CACNA2D3: variants seen among roughly 807,000 people sequenced by gnomAD.
CACNA2D3 encodes voltage-dependent calcium channel subunit alpha-2/delta-3.
Under a neutral mutation model 160.6 loss-of-function variants are expected in CACNA2D3, and 60 were observed. The ratio of observed to expected loss-of-function variants is 0.37; its 90% CI spans 0.30 to 0.46. The LOEUF (loss-of-function observed/expected upper bound fraction) is 0.46, where lower values mean the gene tolerates loss of function less well. Ranked by LOEUF, CACNA2D3 falls within the 20% of genes least tolerant of loss-of-function variation. CACNA2D3 has a pLI of 1.00. For missense variants in CACNA2D3, 1,205 were observed against 1,365.0 expected (o/e 0.88, Z 1.85); for synonymous variants, 558 against 492.9 (o/e 1.13, Z -1.75).
At chr3:54,906,534 C>G (rs1700452372) in intron 27 of CACNA2D3, among the ~76,000 whole-genome samples, 1 of 152,180 alleles carries the variant, frequency 6.6e-6, no homozygotes, top group Non-Finnish European at 1.5e-5. Flanking sequence ...ACTAATGCCT[C>G]CAGTAACCTG....
chr3:54,145,620 G>A (rs924264309), intron 2 of CACNA2D3, among the ~76,000 whole-genome samples: 1 of 152,172 alleles, frequency 6.6e-6, no homozygotes, highest in African/African-American at 2.4e-5. Flanking sequence ...TGCGATCTAC[G>A]TTTCTCTGGG....
At position 54,713,028 on chromosome 3, in the gene CACNA2D3, C is replaced by T. The variant is rs1700981939; in HGVS notation, c.1168-39571C>T. On this transcript the variant is annotated intron_variant, in intron 11 of 37. Coordinates refer to ENST00000474759, the MANE Select transcript of CACNA2D3 (RefSeq NM_018398.3). ...ATAGTATTCTGCCCACCATACTACT[C>T]ATAGGAATGTTGTGATGATTAGGTG... Among the ~76,000 whole-genome samples the T allele has an allele frequency of 1.3e-5, 2 of 152,208 alleles. 1 individual carries two copies. Among genetic ancestry groups the T allele is most frequent in the South Asian group, 4.1e-4 (2 of 4,826 alleles).
chr3:54,228,375 G>C (rs536632864), intron 2 of CACNA2D3, among the ~76,000 whole-genome samples: 1 of 152,210 alleles, frequency 6.6e-6, no homozygotes, highest in East Asian at 1.9e-4. Flanking sequence ...TAATGAGAAG[G>C]ATGAGAATGA....
chr3:54,695,172 C>T (rs1341730203), intron 11 of CACNA2D3, among the ~76,000 whole-genome samples: 1 of 152,110 alleles, frequency 6.6e-6, no homozygotes, highest in Non-Finnish European at 1.5e-5. Flanking sequence ...TGCCCACCAC[C>T]ATGCGCAGCT....
chr3:54,976,304 C>T (rs1212476842), intron 29 of CACNA2D3, among the ~76,000 whole-genome samples: 1 of 123,726 alleles, frequency 8.1e-6, no homozygotes, highest in Non-Finnish European at 1.6e-5. Flanking sequence ...CAACAGTCCC[C>T]AGAGTGTGAT....
intron 2 of CACNA2D3, among the ~76,000 whole-genome samples, chr3:54,208,143 T>G: frequency 6.6e-6 from 1 of 152,224 alleles, no homozygotes; most frequent in Non-Finnish European, 1.5e-5. Context: ...TTTGCTCTTG[T>G]TGCCCAGGCT....
At chr3:54,158,814 C>G (rs539192133) in intron 2 of CACNA2D3, among the ~76,000 whole-genome samples, 22 of 152,218 alleles carry the variant, frequency 1.4e-4, no homozygotes, top group Non-Finnish European at 3.1e-4. Flanking sequence ...AAGAAGTAGG[C>G]TCTCTGGGTC....
In CACNA2D3 at chr3:54,703,906, G is replaced by A. The variant is rs1406790618; in HGVS notation, c.1168-48693G>A. Among the ~76,000 whole-genome samples, 4 of 152,214 alleles carry A rather than the reference G, an allele frequency of 2.6e-5. No homozygotes were observed. In the East Asian group the frequency reaches 7.7e-4, roughly 29 times the overall value. ...TTAACTACTCAAGGAATCTTGAGGTGACTTAATTTGTAGTTCAGACCCCTA... is the reference window on the plus strand; with the variant it reads ...TTAACTACTCAAGGAATCTTGAGGTAACTTAATTTGTAGTTCAGACCCCTA... On this transcript the variant is annotated intron_variant, in intron 11 of 37. Coordinates refer to ENST00000474759, the MANE Select transcript of CACNA2D3 (RefSeq NM_018398.3).
At chr3:54,839,147 G>A (rs549738870) in intron 16 of CACNA2D3, among the ~76,000 whole-genome samples, 3 of 152,050 alleles carry the variant, frequency 2.0e-5, no homozygotes, top group Non-Finnish European at 4.4e-5. Flanking sequence ...AGTCCCAGCT[G>A]CTCGGGAGGC....
At chr3:54,642,384 C>G (rs1699541840) in intron 11 of CACNA2D3, 143 bp downstream of exon 11, 1 of 489,708 alleles carries the variant, frequency 2.0e-6, no homozygotes, top group Non-Finnish European at 3.5e-6. Context: ...TTTTGGTTGA[C>G]CAAAACTGAA....
At chr3:54,644,689 A>G (rs911632212) in intron 11 of CACNA2D3, among the ~76,000 whole-genome samples, 1 of 152,248 alleles carries the variant, frequency 6.6e-6, no homozygotes, top group Non-Finnish European at 1.5e-5. Flanking sequence ...AGTAGTTCTC[A>G]AACTTGAGTG....
At chr3:54,415,960 C>A (rs1012568808) in intron 4 of CACNA2D3, among the ~76,000 whole-genome samples, 8 of 152,120 alleles carry the variant, frequency 5.3e-5, no homozygotes, top group Middle Eastern at 3.4e-3. Flanking sequence ...TCAAGTAATT[C>A]AAAAATAAAT....
At chr3:54,156,827 A>G (rs1700253789) in intron 2 of CACNA2D3, among the ~76,000 whole-genome samples, 2 of 152,220 alleles carry the variant, frequency 1.3e-5, no homozygotes, top group Admixed American at 6.5e-5. Flanking sequence ...AGGCAACCAC[A>G]TGAGATACCC....
At chr3:54,893,479 T>C (rs1358273104) in intron 25 of CACNA2D3, among the ~76,000 whole-genome samples, 1 of 152,126 alleles carries the variant, frequency 6.6e-6, no homozygotes, top group African/African-American at 2.4e-5. Flanking sequence ...CTTAGGGTCT[T>C]ACCTGCCTAT....
At chr3:54,478,509 G>T in intron 4 of CACNA2D3, among the ~76,000 whole-genome samples, 1 of 151,332 alleles carries the variant, frequency 6.6e-6, no homozygotes, top group Non-Finnish European at 1.5e-5. Flanking sequence ...GCAGGCGCCT[G>T]TAGTCCCAGC....
intron 13 of CACNA2D3, among the ~76,000 whole-genome samples, chr3:54,792,734 A>AT (rs1702786875): frequency 6.6e-6 from 1 of 151,996 alleles, no homozygotes; most frequent in African/African-American, 2.4e-5. Flanking sequence ...ACACTCAGGG[A>AT]TTTTACCACC....
At chr3:54,301,255 TCAAAA>T (rs1380884202) in intron 2 of CACNA2D3, among the ~76,000 whole-genome samples, 3 of 142,802 alleles carry the variant, frequency 2.1e-5, no homozygotes, top group African/African-American at 5.2e-5. Context: ...AGATCCTGTC[TCAAAA>T]CAAACAAACA....
chr3:54,974,024 C>T (rs1702331148), intron 29 of CACNA2D3, among the ~76,000 whole-genome samples: 1 of 152,048 alleles, frequency 6.6e-6, no homozygotes, highest in Non-Finnish European at 1.5e-5. Context: ...ACAGGCAGTA[C>T]AATACCGGGT....
intron 2 of CACNA2D3, among the ~76,000 whole-genome samples, chr3:54,230,667 G>A (rs190241002): frequency 6.6e-6 from 1 of 152,270 alleles, no homozygotes; most frequent in Admixed American, 6.5e-5. Flanking sequence ...GCAATAATTT[G>A]TGTGAGAGAT....
Sources: allele counts gnomAD v4.1 joint callset (sites outside exome capture counted in the v4.1 genomes callset), GRCh38; gene constraint gnomAD v4.1.1; transcripts MANE v1.5; gene names NCBI Gene and HGNC (gene_info 2026-07-23, HGNC 2026-07-21).